The following HCN2 variants were observed in gnomAD, a reference collection of about 807,000 sequenced individuals.
HCN2 encodes the protein hyperpolarization activated cyclic nucleotide gated potassium and sodium channel 2.
HCN2 carries 20 observed loss-of-function variants against 52.3 expected under a neutral mutation model. That is an observed-to-expected ratio of 0.38 (90% CI 0.27 to 0.56). The LOEUF is 0.56. HCN2 is among the 20% of genes least tolerant of loss of function. The probability of loss-of-function intolerance (pLI) is 0.71; values close to 1 mark genes in which losing one functional copy is unlikely to be tolerated. For missense variants in HCN2, 981 were observed against 1,207.7 expected, an observed-to-expected ratio of 0.81 and a Z score of 2.78; for synonymous variants, 694 against 537.0, an observed-to-expected ratio of 1.29 and a Z score of -4.04.
Position 599,844 on chromosome 19 carries a change from T to C in HCN2, c.633-3700T>C, listed in dbSNP as rs1444678989. On this transcript the variant is annotated intron_variant, in intron 1 of 7. Coordinates refer to ENST00000251287, the MANE Select transcript of HCN2 (RefSeq NM_001194.4). The stretch of plus-strand genomic sequence containing the variant: ...GAGTTGGTACAGGGATGGGAAGGGG[T>C]CCCGTGTGTGTGTGTGTGTGTGTGT... 2.9e-5 allele frequency among the ~76,000 whole-genome samples: 3 copies of C among 104,372 alleles called. No homozygotes were observed. In the East Asian group the frequency reaches 7.8e-4, roughly 27 times the overall value. 68.5% of individuals were successfully genotyped at this position (104,372 alleles called of 152,430 possible).
chr19:616,118 C>T lies in HCN2; in HGVS notation c.2314C>T (p.Pro772Ser). The T allele has an allele frequency of 1.1e-6, 1 of 938,448 alleles. No homozygotes were observed. Among genetic ancestry groups the T allele is most frequent in the Non-Finnish European group, 1.3e-6 (1 of 791,210 alleles). 58.1% of individuals were successfully genotyped at this position (938,448 alleles called of 1,614,324 possible). The change falls in exon 8 of 8, where the codon CCC (proline) becomes TCC (serine). Residue 772 changes from proline to serine, a missense_variant. Physicochemically the swap from Pro to Ser is moderately conservative, Grantham distance 74. Around this residue, in one of 6 missense-constraint regions of HCN2, gnomAD observed 368 missense variants for 314.8 expected, o/e 1.17. Coordinates refer to ENST00000251287, the MANE Select transcript of HCN2 (RefSeq NM_001194.4). ...GGGGCCCGCACCTGCCGCCGCCTCA[C>T]CCGGGCCCCCGCCCCCCGCCAGCCC... ...PPGPAPAAAS[P>S]GPPPPASPPG...
intron 1 of HCN2, among the ~76,000 whole-genome samples, chr19:603,030 G>A (rs1375595633): frequency 8.8e-6 from 1 of 113,674 alleles, no homozygotes; most frequent in Admixed American, 8.8e-5. Flanking sequence ...CAGGCGCCTG[G>A]GGGGAAGGCA....
chr19:608,875 C>T (rs1249209791), intron 4 of HCN2, among the ~76,000 whole-genome samples: 1 of 152,196 alleles, frequency 6.6e-6, no homozygotes, highest in Non-Finnish European at 1.5e-5. Flanking sequence ...GGCCTCTGGC[C>T]TGCAGCGTCC....
At chr19:615,744 T>C (rs1555732559) in intron 7 of HCN2, 51 bp from the exon 8 acceptor site, 1 of 1,592,038 alleles carries the variant, frequency 6.3e-7, no homozygotes, top group Non-Finnish European at 8.6e-7. Context: ...CGGTGCCCGC[T>C]GTACGCAGCA....
intron 7 of HCN2, 140 bp downstream of exon 7, chr19:614,156 G>A: frequency 1.6e-6 from 1 of 616,372 alleles, no homozygotes; most frequent in Non-Finnish European, 2.5e-6. Context: ...GCAGAGACGT[G>A]GCCAAGGCAT....
chr19:606,899 C>T (rs1333691989), intron 3 of HCN2, among the ~76,000 whole-genome samples: 1 of 142,938 alleles, frequency 7.0e-6, no homozygotes, highest in Non-Finnish European at 1.5e-5. Context: ...AGGCCGGGCG[C>T]GGTGGCTCAC....
rs528926525 is a variant in HCN2, at chr19:592,192, G to A, written c.632+1615G>A. Among the ~76,000 whole-genome samples, 5 of 152,334 alleles carry A rather than the reference G, an allele frequency of 3.3e-5. No individual in the cohort carries two copies. The highest frequency in any genetic ancestry group is 2.1e-4 in the South Asian group (1 of 4,832). ...GCACCCCCTGACCGGAGAGGGACGC[G>A]GTGGAGAGGGAGCTGTAGAACGTGC... On this transcript the variant is annotated intron_variant, in intron 1 of 7. Coordinates refer to ENST00000251287, the MANE Select transcript of HCN2 (RefSeq NM_001194.4). This position sits in a 1 kb window ranked among gnomAD's most constrained non-coding sequence, Gnocchi z 4.8.
In HCN2 at chr19:616,667, C is replaced by G; in HGVS notation, c.*193C>G. 2 of 242,704 alleles carry G rather than the reference C, an allele frequency of 8.2e-6. No homozygotes were observed. Among genetic ancestry groups the G allele is most frequent in the East Asian group, 8.3e-5 (1 of 12,012 alleles). 15.0% of individuals were successfully genotyped at this position (242,704 alleles called of 1,614,324 possible). A position where few individuals can be genotyped will look rare whatever the true frequency, so the allele number is the denominator to read the frequency against. The stretch of plus-strand genomic sequence containing the variant: ...CGCGCCCCCGGCCGTCCCCCCTCAT[C>G]GCCCCGCGCCCACCCCCATCGCCCC... On this transcript the variant is annotated 3_prime_UTR_variant, in exon 8 of 8. Coordinates refer to ENST00000251287, the MANE Select transcript of HCN2 (RefSeq NM_001194.4).
Position 617,118 on chromosome 19 carries a change from C to CATA in HCN2, c.*645_*646insTAA. The CATA allele has an allele frequency of 1.5e-6, 1 of 683,942 alleles. No individual in the cohort carries two copies. The highest frequency in any genetic ancestry group is 2.4e-6 in the Non-Finnish European group (1 of 410,066). The allele number at this position is 683,942 out of a possible 1,614,324, so 42.4% of individuals were successfully genotyped here. The stretch of plus-strand genomic sequence containing the variant: ...TGGCCCCCCACGCCCCATTAACCCC[C>CATA]ACACCCCCATTCCGCGCAATAAACG... On this transcript the variant is annotated 3_prime_UTR_variant, in exon 8 of 8. Transcript: ENST00000251287.
At chr19:615,699 C>T (rs1374164001) in intron 7 of HCN2, 96 bp from the exon 8 acceptor site, 6 of 1,186,050 alleles carry the variant, frequency 5.1e-6, no homozygotes, top group Non-Finnish European at 7.5e-6. Context: ...ACACGGCAAG[C>T]ACTGTGTGCG....
At position 612,294 on chromosome 19, in the gene HCN2, C is replaced by T. The variant is rs1983670100; in HGVS notation, c.1585-954C>T. 3.3e-5 allele frequency among the ~76,000 whole-genome samples: 5 copies of T among 152,292 alleles called. No homozygotes were observed. The South Asian group carries it at 1.0e-3, about 32-fold the overall frequency. Reference sequence around the variant, plus strand: ...AAGCTGCCTTTGCTAAGGGGAATTGCCCTGACTTCCCACACCATTGATTCA... The same window carrying T: ...AAGCTGCCTTTGCTAAGGGGAATTGTCCTGACTTCCCACACCATTGATTCA... On this transcript the variant is annotated intron_variant, in intron 5 of 7. Transcript: ENST00000251287.
At chr19:599,036 C>T (rs918512940) in intron 1 of HCN2, among the ~76,000 whole-genome samples, 4 of 152,338 alleles carry the variant, frequency 2.6e-5, no homozygotes, top group African/African-American at 9.6e-5. Flanking sequence ...TCAGGGGCTG[C>T]AGGAACTTGT....
rs1368442456 is a variant in HCN2, at chr19:605,421, G to A, written c.1218+199G>A. 3.5e-4 allele frequency among the ~76,000 whole-genome samples: 25 copies of A among 72,052 alleles called. 1 individual carries two copies. In the East Asian group the frequency reaches 1.0e-2, roughly 29 times the overall value. 47.3% of individuals were successfully genotyped at this position (72,052 alleles called of 152,430 possible). A position where few individuals can be genotyped will look rare whatever the true frequency, so the allele number is the denominator to read the frequency against. ...CGCCCCCTTATGGAGGGGAGGACTC[G>A]GGCCCTTTCAGAGGCGGGGACCCAG... On this transcript the variant is annotated intron_variant, in intron 3 of 7. Transcript: ENST00000251287.
Position 608,276 on chromosome 19 carries a change from G to C in HCN2, c.1437+94G>C, listed in dbSNP as rs1246627736. On this transcript the variant is annotated intron_variant, in intron 4 of 7. Coordinates refer to ENST00000251287, the MANE Select transcript of HCN2 (RefSeq NM_001194.4). The stretch of plus-strand genomic sequence containing the variant: ...AGAGTCAGGCCAGGCCCTGGGGTCT[G>C]ATGGAGGGAGGCAGGCCCGGTCCTG... 3.2e-5 allele frequency: 38 copies of C among 1,182,588 alleles called. No homozygotes were observed. In the East Asian group the frequency reaches 9.2e-4, roughly 29 times the overall value. The allele number at this position is 1,182,588 out of a possible 1,614,324, so 73.3% of individuals were successfully genotyped here.
intron 5 of HCN2, among the ~76,000 whole-genome samples, chr19:611,072 C>T (rs755777512): frequency 2.6e-5 from 4 of 152,212 alleles, no homozygotes; most frequent in Non-Finnish European, 4.4e-5. Context: ...ATTCATCCGT[C>T]GTTGGATCAG....
At position 614,032 on chromosome 19, in the gene HCN2, G is replaced by A; in HGVS notation, c.1990+16G>A. The A allele has an allele frequency of 1.3e-6, 2 of 1,556,344 alleles. No individual in the cohort carries two copies. Among genetic ancestry groups the A allele is most frequent in the Non-Finnish European group, 1.7e-6 (2 of 1,153,210 alleles). ...GACCGCATCGGTGAGCGGGCCGGGGGCGTGGCCGGGGCGGGTGCCCTGGCG... is the reference window on the plus strand; with the variant it reads ...GACCGCATCGGTGAGCGGGCCGGGGACGTGGCCGGGGCGGGTGCCCTGGCG... On this transcript the variant is annotated intron_variant, in intron 7 of 7. Transcript: ENST00000251287.
intron 1 of HCN2, among the ~76,000 whole-genome samples, chr19:599,684 A>C (rs941483883): frequency 6.6e-6 from 1 of 151,538 alleles, no homozygotes; most frequent in Non-Finnish European, 1.5e-5. Flanking sequence ...GCTACTCGGG[A>C]GGGTGAGGCA....
intron 2 of HCN2, among the ~76,000 whole-genome samples, chr19:604,462 T>G (rs1600526236): frequency 2.1e-4 from 11 of 52,740 alleles, no homozygotes; most frequent in South Asian, 6.7e-4. Flanking sequence ...GCTGCTGGGG[T>G]GGAGTCAAGC....
intron 7 of HCN2, among the ~76,000 whole-genome samples, chr19:615,444 G>T (rs1241435818): frequency 6.6e-6 from 1 of 152,200 alleles, no homozygotes; most frequent in African/African-American, 2.4e-5. Flanking sequence ...AACCCGGGAG[G>T]TGGACCTTGC....
Sources: gnomAD v4.1 joint callset for allele counts (sites outside exome capture counted in the v4.1 genomes callset) on GRCh38, gnomAD v4.1.1 for gene constraint, gnomAD v4.1.1 regional missense constraint, Gnocchi (gnomAD v3.1) non-coding constraint, MANE v1.5 for transcripts, NCBI Gene and HGNC (gene_info 2026-07-23, HGNC 2026-07-21) for gene names.